The following NELL2 variants were observed in gnomAD, a reference collection of about 807,000 sequenced individuals.
The protein encoded by NELL2 is neural EGFL like 2.
NELL2 carries 41 observed loss-of-function variants against 109.6 expected under a neutral mutation model. The ratio of observed to expected loss-of-function variants is 0.37; its 90% CI spans 0.29 to 0.49. The LOEUF (loss-of-function observed/expected upper bound fraction) is 0.49. NELL2 is among the 20% of genes least tolerant of loss of function. The pLI, the probability that NELL2 is intolerant of heterozygous loss-of-function variation, is 0.98. For synonymous variants in NELL2, 355 were observed against 344.7 expected (o/e 1.03, Z -0.33); for missense variants, 900 against 1,008.3 (o/e 0.89, Z 1.45).
chr12:44,521,554 T>TGG (rs201901677), intron 18 of NELL2, among the ~76,000 whole-genome samples: 2 of 141,286 alleles, frequency 1.4e-5, no homozygotes, highest in Non-Finnish European at 3.0e-5. Context: ...AAGGTTGCGG[T>TGG]GGTGGGGGAG....
intron 1 of NELL2, among the ~76,000 whole-genome samples, chr12:44,895,131 T>C (rs1945578489): frequency 6.6e-6 from 1 of 152,176 alleles, no homozygotes; most frequent in African/African-American, 2.4e-5. Flanking sequence ...GAGAGAAGCC[T>C]GATGGAGAAA....
chr12:44,609,308 G>C (rs752936467), intron 14 of NELL2, among the ~76,000 whole-genome samples: 1 of 151,902 alleles, frequency 6.6e-6, no homozygotes, highest in Admixed American at 6.6e-5. Context: ...TTTGATAATC[G>C]GGAAGGCTAC....
At chr12:44,710,070 C>G (rs78516951) in intron 11 of NELL2, among the ~76,000 whole-genome samples, 1 of 152,236 alleles carries the variant, frequency 6.6e-6, no homozygotes, top group East Asian at 1.9e-4. Context: ...TCCTAAAGAG[C>G]CTCACATAAA....
At chr12:44,874,153 A>G (rs1307495776) in intron 2 of NELL2, among the ~76,000 whole-genome samples, 1 of 152,058 alleles carries the variant, frequency 6.6e-6, no homozygotes, top group African/African-American at 2.4e-5. Flanking sequence ...TTTTATTTCT[A>G]TTTCTTGGTA....
intron 9 of NELL2, among the ~76,000 whole-genome samples, chr12:44,759,352 T>C (rs1941026578): frequency 6.6e-6 from 1 of 152,184 alleles, no homozygotes; most frequent in Non-Finnish European, 1.5e-5. Flanking sequence ...GAAGTAACAA[T>C]GTCTGAATTC....
intron 13 of NELL2, among the ~76,000 whole-genome samples, chr12:44,640,667 TTTTG>T (rs1319583683): frequency 1.3e-5 from 2 of 152,116 alleles, no homozygotes; most frequent in Non-Finnish European, 2.9e-5. Flanking sequence ...CCAGATTGTA[TTTTG>T]TTTTTTTTTT....
At chr12:44,809,338 A>G (rs907722034) in intron 3 of NELL2, among the ~76,000 whole-genome samples, 14 of 152,166 alleles carry the variant, frequency 9.2e-5, no homozygotes, top group African/African-American at 3.4e-4. Flanking sequence ...AAATGGATAA[A>G]TGAATCAATA....
chr12:44,686,942 C>T (rs1262795711), intron 12 of NELL2, among the ~76,000 whole-genome samples: 1 of 152,220 alleles, frequency 6.6e-6, no homozygotes, highest in Admixed American at 6.5e-5. Context: ...GTGGGCTCCA[C>T]CCAGTTCTAG....
intron 13 of NELL2, among the ~76,000 whole-genome samples, chr12:44,651,000 A>T (rs1022168465): frequency 6.6e-6 from 1 of 152,242 alleles, no homozygotes; most frequent in Non-Finnish European, 1.5e-5. Flanking sequence ...CCTGTTAGGA[A>T]CTGGGCCACA....
intron 1 of NELL2, among the ~76,000 whole-genome samples, chr12:44,919,167 T>C (rs1452561993): frequency 1.3e-5 from 2 of 152,236 alleles, no homozygotes; most frequent in African/African-American, 4.8e-5. Flanking sequence ...ATGATACAAC[T>C]GCCTATCTGT....
chr12:44,832,051 A>C (rs1338968708), intron 2 of NELL2, among the ~76,000 whole-genome samples: 1 of 152,178 alleles, frequency 6.6e-6, no homozygotes, highest in African/African-American at 2.4e-5. Context: ...AAAAACAGAG[A>C]GTAAAAATTT....
At chr12:44,622,839 G>A (rs1447830774) in intron 13 of NELL2, among the ~76,000 whole-genome samples, 1 of 152,048 alleles carries the variant, frequency 6.6e-6, no homozygotes, top group African/African-American at 2.4e-5. Context: ...ATCTTTCTTA[G>A]AGTATGTTAT....
At chr12:44,773,460 A>G (rs886884651) in intron 9 of NELL2, among the ~76,000 whole-genome samples, 2 of 152,086 alleles carry the variant, frequency 1.3e-5, no homozygotes, top group Admixed American at 6.6e-5. Context: ...TGGGCGACAG[A>G]GCGAGGCTCC....
At chr12:44,750,089 CCCTCCTCTGCA>C (rs1390284663) in intron 9 of NELL2, among the ~76,000 whole-genome samples, 1 of 151,866 alleles carries the variant, frequency 6.6e-6, no homozygotes, top group Non-Finnish European at 1.5e-5. Context: ...AAGAAAAGTC[CCCTCCTCTGCA>C]AAGGTTGGAA....
intron 3 of NELL2, among the ~76,000 whole-genome samples, chr12:44,806,495 A>G (rs1263648183): frequency 6.6e-6 from 1 of 151,878 alleles, no homozygotes; most frequent in East Asian, 1.9e-4. Context: ...GGTGTGTGTA[A>G]TTGTATACAT....
intron 12 of NELL2, among the ~76,000 whole-genome samples, chr12:44,686,086 C>T (rs1220047495): frequency 6.6e-6 from 1 of 152,160 alleles, no homozygotes; most frequent in East Asian, 1.9e-4. Flanking sequence ...TTCACATAGT[C>T]CCATATTTCT....
At chr12:44,549,322 C>A (rs2099914154) in intron 15 of NELL2, among the ~76,000 whole-genome samples, 1 of 152,086 alleles carries the variant, frequency 6.6e-6, no homozygotes, top group Non-Finnish European at 1.5e-5. Context: ...GCAGATGTGG[C>A]ACTGCCAGTC....
At chr12:44,779,412 T>C (rs1387655990) in intron 5 of NELL2, among the ~76,000 whole-genome samples, 1 of 152,194 alleles carries the variant, frequency 6.6e-6, no homozygotes, top group Non-Finnish European at 1.5e-5. Flanking sequence ...ATTCAAAGAA[T>C]GACCTGTTAA....
upstream of NELL2, among the ~76,000 whole-genome samples, chr12:44,880,067 T>C (rs1397249727): frequency 6.6e-6 from 1 of 151,440 alleles, no homozygotes; most frequent in East Asian, 1.9e-4. Flanking sequence ...GTCATTGTTA[T>C]TACTATTACA....
Sources: allele counts gnomAD v4.1 joint callset (sites outside exome capture counted in the v4.1 genomes callset), GRCh38; gene constraint gnomAD v4.1.1; transcripts MANE v1.5; gene names NCBI Gene and HGNC (gene_info 2026-07-23, HGNC 2026-07-21).